Variants in APOBEC2 observed in about 807,000 individuals in gnomAD.
APOBEC2 encodes C->U-editing enzyme APOBEC-2.
Under a neutral mutation model 19.4 loss-of-function variants are expected in APOBEC2, and 14 were observed. That is an observed-to-expected ratio of 0.72 (90% CI 0.48 to 1.13). APOBEC2 has a LOEUF of 1.13. Ranked by LOEUF, APOBEC2 falls within the 50% of genes most tolerant of loss-of-function variation. The pLI, the probability that APOBEC2 is intolerant of heterozygous loss-of-function variation, is 0.00. For missense variants in APOBEC2, 304 were observed against 277.0 expected (o/e 1.10, Z -0.69); for synonymous variants, 127 against 112.1 (o/e 1.13, Z -0.84).
chr6:41,063,304 G>T (rs1466944196), intron 2 of APOBEC2, among the ~76,000 whole-genome samples: 1 of 152,184 alleles, frequency 6.6e-6, no homozygotes, highest in Non-Finnish European at 1.5e-5. Flanking sequence ...ACACTTTATA[G>T]TGGTGAACAG....
chr6:41,061,503 T>G lies in APOBEC2; in HGVS notation c.307T>G (p.Phe103Val). ...TGCGGCTGCCCATGCAGAGGAAGCT[T>G]TCTTCAACACCATCCTGCCAGCCTT... ...EHAAAHAEEA[F>V]FNTILPAFDP... Residue 103 changes from phenylalanine (F) to valine (V), a missense_variant, in exon 2 of 3, where the codon TTC (phenylalanine) becomes GTC (valine). Coordinates refer to ENST00000244669, the MANE Select transcript of APOBEC2 (RefSeq NM_006789.4). 1 of 1,613,998 alleles carries G rather than the reference T, an allele frequency of 6.2e-7. No individual in the cohort carries two copies. Among genetic ancestry groups the G allele is most frequent in the Non-Finnish European group, 8.5e-7 (1 of 1,179,906 alleles).
intron 1 of APOBEC2, among the ~76,000 whole-genome samples, chr6:41,056,740 C>T (rs577295174): frequency 4.6e-5 from 7 of 152,344 alleles, no homozygotes; most frequent in Non-Finnish European, 5.9e-5. Flanking sequence ...GTACTCAATA[C>T]GTATTTGTTG....
chr6:41,062,286 T>C (rs1459529787), intron 2 of APOBEC2, among the ~76,000 whole-genome samples: 1 of 152,246 alleles, frequency 6.6e-6, no homozygotes, highest in Non-Finnish European at 1.5e-5. Context: ...ATTCCAGACA[T>C]CTTCTAGATG....
Position 41,063,533 on chromosome 6 carries a change from GCT to G in APOBEC2, c.*22-567_*22-566del, listed in dbSNP as rs1491203988. On this transcript the variant is annotated intron_variant, in intron 2 of 2. Coordinates refer to ENST00000244669, the MANE Select transcript of APOBEC2 (RefSeq NM_006789.4). ...GGTGCCTAACTAGCAAGTCCTTAGA[GCT>G]TTTTTTTTTTTTTTTTTTTTTCAGT... Among the ~76,000 whole-genome samples, 388 of 80,722 alleles carry G rather than the reference GCT, an allele frequency of 4.8e-3. 3 individuals are homozygous for G. The highest frequency in any genetic ancestry group is 9.3e-3 in the Middle Eastern group (1 of 108). The allele number at this position is 80,722 out of a possible 152,430, so 53.0% of individuals were successfully genotyped here.
chr6:41,060,850 T>C (rs1418133896), intron 1 of APOBEC2, among the ~76,000 whole-genome samples: 1 of 152,272 alleles, frequency 6.6e-6, no homozygotes. Context: ...AAATTTTATA[T>C]GCTTGCTACT....
chr6:41,063,799 CTT>C (rs568383618), intron 2 of APOBEC2, among the ~76,000 whole-genome samples: 20 of 136,222 alleles, frequency 1.5e-4, no homozygotes, highest in Non-Finnish European at 9.6e-5. Context: ...TTTCATCTTT[CTT>C]TTTTTTTTTT....
chr6:41,062,512 G>A (rs989860100), intron 2 of APOBEC2, among the ~76,000 whole-genome samples: 3 of 152,148 alleles, frequency 2.0e-5, no homozygotes, highest in African/African-American at 4.8e-5. Flanking sequence ...AATACAATAC[G>A]GGAACATTTT....
At chr6:41,061,178 T>TAAA in intron 1 of APOBEC2, 150 bp from the exon 2 acceptor site, 1 of 231,542 alleles carries the variant, frequency 4.3e-6, no homozygotes, top group East Asian at 7.5e-5. Context: ...TTTTTTTTTT[T>TAAA]GTCACTGATG....
At position 41,053,424 on chromosome 6, in the gene APOBEC2, A is replaced by C; in HGVS notation, c.77A>C (p.Asp26Ala). Residue 26 changes from aspartate to alanine, a missense_variant, in exon 1 of 3, where the codon GAC becomes GCC. Transcript: ENST00000244669. ...GGGGAGGATCTGGAGAACCTGGACG[A>C]CCCTGAGAAGCTGAAAGAGCTGATT... ...QNGEDLENLD[D>A]PEKLKELIEL... 6.2e-7 allele frequency: 1 copy of C among 1,614,138 alleles called. No individual in the cohort carries two copies. The highest frequency in any genetic ancestry group is 8.5e-7 in the Non-Finnish European group (1 of 1,180,030).
chr6:41,055,674 G>C (rs761910059), intron 1 of APOBEC2, among the ~76,000 whole-genome samples: 14 of 152,214 alleles, frequency 9.2e-5, no homozygotes, highest in African/African-American at 3.1e-4. Flanking sequence ...GTAGCTGGTA[G>C]GAAGGAGAGA....
chr6:41,058,977 TAG>T (rs530497750), intron 1 of APOBEC2, among the ~76,000 whole-genome samples: 6 of 152,178 alleles, frequency 3.9e-5, no homozygotes, highest in Non-Finnish European at 8.8e-5. Context: ...CCCGTATTTA[TAG>T]AGAGATGACC....
chr6:41,053,559 A>G (rs1326368274), intron 1 of APOBEC2, 81 bp downstream of exon 1: 15 of 1,579,156 alleles, frequency 9.5e-6, no homozygotes, highest in Non-Finnish European at 1.3e-5. Flanking sequence ...CAGGATGGTT[A>G]TATTAGGCGT....
In APOBEC2 at chr6:41,061,800, T is replaced by G; in HGVS notation, c.604T>G (p.Phe202Val). 6.2e-7 allele frequency: 1 copy of G among 1,614,176 alleles called. No homozygotes were observed. The highest frequency in any genetic ancestry group is 1.6e-4 in the Middle Eastern group (1 of 6,062). ...GCAAGAAGAGGGTGAATCCAAGGCC[T>G]TTCAGCCCTGGGAGGACATTCAGGA... ...VEQEEGESKA[F>V]QPWEDIQENF... The change falls in exon 2 of 3, where the codon TTT becomes GTT. Residue 202 changes from phenylalanine (F) to valine (V), a missense_variant. Phe to Val is a conservative substitution (Grantham distance 50). Transcript: ENST00000244669.
intron 1 of APOBEC2, among the ~76,000 whole-genome samples, chr6:41,053,903 G>A (rs779446524): frequency 2.6e-5 from 4 of 152,170 alleles, no homozygotes; most frequent in Non-Finnish European, 5.9e-5. Context: ...GGGTCTCTCC[G>A]CTAGCCATAG....
At chr6:41,056,861 G>A (rs1171427860) in intron 1 of APOBEC2, among the ~76,000 whole-genome samples, 1 of 152,158 alleles carries the variant, frequency 6.6e-6, no homozygotes, top group East Asian at 1.9e-4. Context: ...GCAGCTCAGG[G>A]TGTATGACGA....
chr6:41,058,067 C>T (rs1057218714), intron 1 of APOBEC2, among the ~76,000 whole-genome samples: 3 of 151,774 alleles, frequency 2.0e-5, no homozygotes, highest in Non-Finnish European at 2.9e-5. Context: ...TAGGTTTCTA[C>T]GCATGAGGAA....
Position 41,061,588 on chromosome 6 carries a change from G to C in APOBEC2, c.392G>C (p.Cys131Ser). The C allele has an allele frequency of 6.2e-7, 1 of 1,614,242 alleles. No homozygotes were observed. The highest frequency in any genetic ancestry group is 8.5e-7 in the Non-Finnish European group (1 of 1,180,044). ...GTGTCCTCCAGCCCCTGTGCAGCGTGTGCTGACCGCATTATCAAAACCCTT... is the reference window on the plus strand; with the variant it reads ...GTGTCCTCCAGCCCCTGTGCAGCGTCTGCTGACCGCATTATCAAAACCCTT... ...WYVSSSPCAA[C>S]ADRIIKTLSK... Residue 131 changes from cysteine to serine, a missense_variant, in exon 2 of 3, where the codon TGT becomes TCT. Physicochemically the swap from Cys to Ser is moderately radical, Grantham distance 112 (BLOSUM62 -1). Transcript: ENST00000244669.
At chr6:41,058,917 T>C (rs1762837791) in intron 1 of APOBEC2, among the ~76,000 whole-genome samples, 1 of 152,200 alleles carries the variant, frequency 6.6e-6, no homozygotes, top group African/African-American at 2.4e-5. Flanking sequence ...CAGAAGGCCC[T>C]GCTGAGGGAC....
intron 1 of APOBEC2, among the ~76,000 whole-genome samples, chr6:41,060,663 C>T (rs1403790514): frequency 6.6e-6 from 1 of 152,220 alleles, no homozygotes; most frequent in Admixed American, 6.5e-5. Flanking sequence ...GGACACTTAG[C>T]ATGTGACAAT....
Sources: gnomAD v4.1 joint callset for allele counts (sites outside exome capture counted in the v4.1 genomes callset) on GRCh38, gnomAD v4.1.1 for gene constraint, MANE v1.5 for transcripts, NCBI Gene and HGNC (gene_info 2026-07-23, HGNC 2026-07-21) for gene names.